AKT3: variants seen among roughly 807,000 people sequenced by gnomAD.
The protein encoded by AKT3 is AKT serine/threonine kinase 3, also known as RAC-gamma serine/threonine-protein kinase.
In AKT3, 15 loss-of-function variants were observed where a neutral mutation model predicts 65.3. The ratio of observed to expected loss-of-function variants is 0.23; its 90% confidence interval spans 0.15 to 0.35. The LOEUF (loss-of-function observed/expected upper bound fraction) is 0.35. Among genes scored for constraint, AKT3 ranks in the 10% least tolerant of loss-of-function variants. The pLI is 1.00. For missense variants in AKT3, 243 were observed against 576.5 expected, an observed-to-expected ratio of 0.42 and a Z score of 5.92; for synonymous variants, 206 against 183.8, an observed-to-expected ratio of 1.12 and a Z score of -0.98.
At chr1:243,678,352 T>C (rs990222027) in intron 3 of AKT3, among the ~76,000 whole-genome samples, 2 of 152,134 alleles carry the variant, frequency 1.3e-5, no homozygotes, top group Non-Finnish European at 2.9e-5. Flanking sequence ...TTTTAAAATC[T>C]GGTTTGATAG....
At chr1:243,507,735 G>A (rs1669759986) in intron 13 of AKT3, among the ~76,000 whole-genome samples, 1 of 152,202 alleles carries the variant, frequency 6.6e-6, no homozygotes, top group South Asian at 2.1e-4. Context: ...CTGCATCCAA[G>A]GAACATCAGT....
chr1:243,717,414 A>G (rs910044481), intron 2 of AKT3, among the ~76,000 whole-genome samples: 1 of 152,204 alleles, frequency 6.6e-6, no homozygotes, highest in Non-Finnish European at 1.5e-5. Flanking sequence ...CTGGGTTCCA[A>G]TGGTCATTGT....
At chr1:243,831,633 T>C (rs1180967961) in intron 2 of AKT3, among the ~76,000 whole-genome samples, 1 of 152,094 alleles carries the variant, frequency 6.6e-6, no homozygotes, top group Non-Finnish European at 1.5e-5. Flanking sequence ...AAACAGTTAC[T>C]CAAAGAGAGA....
chr1:243,729,862 A>G lies in AKT3; in HGVS notation c.47-34146T>C, dbSNP rs141152942. 5.5e-3 allele frequency among the ~76,000 whole-genome samples: 839 copies of G among 152,320 alleles called. 11 individuals are homozygous for G. Among genetic ancestry groups the G allele is most frequent in the African/African-American group, 0.019 (804 of 41,586 alleles). On this transcript the variant is annotated intron_variant, in intron 2 of 13. Transcript: ENST00000673466. Reference sequence around the variant, plus strand: ...TTCCCTAATAAGAATGGGTCACTTTATTACCAGAATAATTTACTTTCATCT... The same window carrying G: ...TTCCCTAATAAGAATGGGTCACTTTGTTACCAGAATAATTTACTTTCATCT...
At chr1:243,759,789 TA>T (rs1261675858) in intron 2 of AKT3, among the ~76,000 whole-genome samples, 1 of 152,028 alleles carries the variant, frequency 6.6e-6, no homozygotes, top group African/African-American at 2.4e-5. Context: ...CAGGAGAAAT[TA>T]AAATTAAGAA....
At chr1:243,743,810 G>A (rs955718572) in intron 2 of AKT3, among the ~76,000 whole-genome samples, 1 of 152,122 alleles carries the variant, frequency 6.6e-6, no homozygotes, top group African/African-American at 2.4e-5. Flanking sequence ...AGGAGTTTAA[G>A]ACCAGCCTCA....
intron 2 of AKT3, among the ~76,000 whole-genome samples, chr1:243,787,352 A>G (rs950030287): frequency 6.6e-6 from 1 of 152,200 alleles, no homozygotes; most frequent in Non-Finnish European, 1.5e-5. Context: ...GCTTGTTATG[A>G]AAAACTAGTC....
chr1:243,495,233 T>C (rs1197164299), downstream of AKT3, among the ~76,000 whole-genome samples: 1 of 152,236 alleles, frequency 6.6e-6, no homozygotes, highest in Admixed American at 6.5e-5. Context: ...GGGGCCTCCC[T>C]GGCCTGTGCG....
At position 243,670,681 on chromosome 1, in the gene AKT3, C is replaced by T. The variant is rs533119683; in HGVS notation, c.173-5798G>A. 3.3e-5 allele frequency among the ~76,000 whole-genome samples: 5 copies of T among 152,238 alleles called. No individual in the cohort carries two copies. In the South Asian group the frequency reaches 1.0e-3, roughly 32 times the overall value. ...AAAGTAAATGTGCTTATACAAAATG[C>T]CAGGTAGCTAACTCTTATTATAACA... On this transcript the variant is annotated intron_variant, in intron 3 of 13. Coordinates refer to ENST00000673466, the MANE Select transcript of AKT3 (RefSeq NM_005465.7).
At chr1:243,688,836 T>C (rs577703634) in intron 3 of AKT3, among the ~76,000 whole-genome samples, 77 of 152,246 alleles carry the variant, frequency 5.1e-4, no homozygotes, top group African/African-American at 1.7e-3. Flanking sequence ...CTTTTTTTTT[T>C]CCTCCAGCAT....
At chr1:243,836,546 C>T (rs1469144966) in intron 2 of AKT3, among the ~76,000 whole-genome samples, 1 of 149,582 alleles carries the variant, frequency 6.7e-6, no homozygotes, top group Non-Finnish European at 1.5e-5. Flanking sequence ...ATATTTATAA[C>T]ACTATACCCC....
upstream of AKT3, among the ~76,000 whole-genome samples, chr1:243,850,450 G>A (rs1323548470): frequency 2.0e-5 from 3 of 151,154 alleles, no homozygotes; most frequent in Non-Finnish European, 4.4e-5. Flanking sequence ...TCACGCCGGC[G>A]GGGCGGCGGC....
intron 4 of AKT3, among the ~76,000 whole-genome samples, chr1:243,662,256 T>C (rs915290263): frequency 1.4e-4 from 21 of 152,020 alleles, no homozygotes; most frequent in East Asian, 1.2e-3. Context: ...CACATGCACA[T>C]GTATGTTTAT....
chr1:243,501,931 G>C lies in AKT3; in HGVS notation c.*3318C>G, dbSNP rs55666313. On this transcript the variant is annotated 3_prime_UTR_variant, in exon 14 of 14. Coordinates refer to ENST00000673466, the MANE Select transcript of AKT3 (RefSeq NM_005465.7). ...ATACTTCAGGAAATAGACAGGTTTA[G>C]TATGACCAACAGTAATAGTAATACA... 1 of 232,690 alleles carries C rather than the reference G, an allele frequency of 4.3e-6. No individual in the cohort carries two copies. Among genetic ancestry groups the C allele is most frequent in the Non-Finnish European group, 8.5e-6 (1 of 117,746 alleles). 14.4% of individuals were successfully genotyped at this position (232,690 alleles called of 1,614,324 possible).
intron 2 of AKT3, among the ~76,000 whole-genome samples, chr1:243,829,531 C>T (rs1694372507): frequency 6.6e-6 from 1 of 152,094 alleles, no homozygotes; most frequent in African/African-American, 2.4e-5. Flanking sequence ...ACACAAAAAG[C>T]TCTTACCAAT....
chr1:243,528,585 T>C (rs958706556), intron 12 of AKT3, among the ~76,000 whole-genome samples: 4 of 152,262 alleles, frequency 2.6e-5, no homozygotes, highest in Admixed American at 6.5e-5. Flanking sequence ...TTTTGTTTTC[T>C]GTTCCTGTGT....
At chr1:243,509,879 C>T (rs770071109) in intron 13 of AKT3, among the ~76,000 whole-genome samples, 15 of 152,094 alleles carry the variant, frequency 9.9e-5, no homozygotes, top group Middle Eastern at 6.3e-3. Context: ...ACAAAGTGAC[C>T]GGCCATCGCC....
At chr1:243,638,382 T>C (rs1425539692) in intron 5 of AKT3, among the ~76,000 whole-genome samples, 1 of 152,162 alleles carries the variant, frequency 6.6e-6, no homozygotes, top group African/African-American at 2.4e-5. Flanking sequence ...TTCACTTCTC[T>C]TTCTTAAGTC....
chr1:243,579,734 T>A (rs906731300), intron 8 of AKT3, among the ~76,000 whole-genome samples: 1 of 152,164 alleles, frequency 6.6e-6, no homozygotes, highest in African/African-American at 2.4e-5. Context: ...ATGGAATAGG[T>A]ACACAAATGA....
Sources: gnomAD v4.1 joint callset for allele counts (sites outside exome capture counted in the v4.1 genomes callset) on GRCh38, gnomAD v4.1.1 for gene constraint, MANE v1.5 for transcripts, NCBI Gene and HGNC (gene_info 2026-07-23, HGNC 2026-07-21) for gene names.